The following STAG1 variants were observed in gnomAD, a reference collection of about 807,000 sequenced individuals.
STAG1 encodes STAG1 cohesin complex component, also known as cohesin subunit SA-1.
A neutral mutation model predicts 170.9 loss-of-function variants in STAG1; 26 were observed. The observed-to-expected ratio is 0.15, with a 90% CI of 0.11 to 0.21. The LOEUF (loss-of-function observed/expected upper bound fraction) is 0.21, where lower values mean the gene tolerates loss of function less well. STAG1 is among the 10% of genes least tolerant of loss of function. The pLI is 1.00. For synonymous variants in STAG1, 514 were observed against 497.7 expected (o/e 1.03, Z -0.44); for missense variants, 964 against 1,509.5 (o/e 0.64, Z 5.99).
At chr3:136,359,361 T>C (rs1246395686) in intron 26 of STAG1, 65 bp from the exon 27 acceptor site, 3 of 1,215,866 alleles carry the variant, frequency 2.5e-6, no homozygotes, top group Non-Finnish European at 3.4e-6. Context: ...ATTTTCAGAA[T>C]AGGTAATTAA....
intron 16 of STAG1, among the ~76,000 whole-genome samples, chr3:136,426,878 C>T (rs2088141458): frequency 1.3e-5 from 2 of 152,108 alleles, no homozygotes; most frequent in African/African-American, 4.8e-5. Context: ...ACCATCCTGG[C>T]TAACACGGTG....
chr3:136,453,973 T>C (rs1417123398), intron 13 of STAG1, among the ~76,000 whole-genome samples: 4 of 152,068 alleles, frequency 2.6e-5, no homozygotes, highest in African/African-American at 9.7e-5. Context: ...AGAGAACTTA[T>C]CTTGAAGCTA....
chr3:136,437,756 C>A (rs1308107803), intron 15 of STAG1, among the ~76,000 whole-genome samples: 1 of 152,102 alleles, frequency 6.6e-6, no homozygotes, highest in Non-Finnish European at 1.5e-5. Context: ...TATCTCTTAT[C>A]CTTTTTATAG....
At chr3:136,488,278 G>C (rs1263657335) in intron 9 of STAG1, among the ~76,000 whole-genome samples, 1 of 152,122 alleles carries the variant, frequency 6.6e-6, no homozygotes, top group Non-Finnish European at 1.5e-5. Context: ...ACGTGCCACT[G>C]CATCCGGCTA....
intron 3 of STAG1, among the ~76,000 whole-genome samples, chr3:136,616,208 G>A (rs931567048): frequency 1.3e-5 from 2 of 151,574 alleles, no homozygotes; most frequent in African/African-American, 4.9e-5. Flanking sequence ...GGCGGAACTT[G>A]CAGTGAGCCG....
chr3:136,723,861 G>T (rs1341168482), intron 1 of STAG1, among the ~76,000 whole-genome samples: 1 of 147,944 alleles, frequency 6.8e-6, no homozygotes, highest in Non-Finnish European at 1.5e-5. Context: ...CCGGCCAGCC[G>T]CCCCGTCCGG....
intron 9 of STAG1, among the ~76,000 whole-genome samples, chr3:136,491,993 A>C (rs558670315): frequency 4.9e-4 from 75 of 152,314 alleles, no homozygotes; most frequent in Non-Finnish European, 3.2e-4. Context: ...ATTGTCTCAA[A>C]AACAAAACAA....
At chr3:136,676,201 G>T (rs1358213552) in intron 1 of STAG1, among the ~76,000 whole-genome samples, 2 of 152,178 alleles carry the variant, frequency 1.3e-5, no homozygotes, top group East Asian at 3.9e-4. Context: ...AGTTGCTCTA[G>T]GTGAGTGAGT....
chr3:136,378,253 G>A (rs920317072), intron 22 of STAG1, among the ~76,000 whole-genome samples: 2 of 152,098 alleles, frequency 1.3e-5, no homozygotes, highest in Non-Finnish European at 2.9e-5. Context: ...CGGAGATGAA[G>A]TGTTCAGTTA....
intron 14 of STAG1, among the ~76,000 whole-genome samples, chr3:136,445,773 T>A (rs1370673336): frequency 6.6e-6 from 1 of 152,242 alleles, no homozygotes; most frequent in Non-Finnish European, 1.5e-5. Context: ...TTTTGGTCTT[T>A]AATTCTGGTT....
At chr3:136,616,156 C>A (rs961689878) in intron 3 of STAG1, among the ~76,000 whole-genome samples, 2 of 151,838 alleles carry the variant, frequency 1.3e-5, no homozygotes, top group African/African-American at 4.8e-5. Context: ...GTCGTCCCAG[C>A]TACTCGGGAG....
intron 1 of STAG1, among the ~76,000 whole-genome samples, chr3:136,731,962 T>G (rs1934067444): frequency 6.6e-6 from 1 of 152,098 alleles, no homozygotes; most frequent in Non-Finnish European, 1.5e-5. Context: ...CTAATGACTT[T>G]CAAATCAAAA....
At chr3:136,565,043 AG>A (rs1937012323) in intron 5 of STAG1, among the ~76,000 whole-genome samples, 1 of 6,884 alleles carries the variant, frequency 1.5e-4, no homozygotes, top group Non-Finnish European at 2.5e-4. Flanking sequence ...GGCAGGCAGA[AG>A]GGAGGGAGGG....
chr3:136,427,061 A>T (rs1477556394), intron 16 of STAG1, among the ~76,000 whole-genome samples: 2 of 117,100 alleles, frequency 1.7e-5, no homozygotes, highest in African/African-American at 5.8e-5. Context: ...CTCGTCTCTT[A>T]AAAAAAAAAA....
Position 136,370,858 on chromosome 3 carries a change from T to A in STAG1, c.2371-1576A>T, listed in dbSNP as rs1004696298. ...GTCTTTATAGCAGCATGATTTATAA[T>A]CCTTTGGGTATATACCCAGTAATGG... On this transcript the variant is annotated intron_variant, in intron 23 of 33. Transcript: ENST00000383202. 3.9e-5 allele frequency among the ~76,000 whole-genome samples: 6 copies of A among 152,372 alleles called. No homozygotes were observed. The East Asian group carries it at 9.6e-4, about 24-fold the overall frequency.
intron 1 of STAG1, chr3:136,736,756 T>C: frequency 6.2e-7 from 1 of 1,600,850 alleles, no homozygotes; most frequent in South Asian, 1.1e-5. Context: ...AGAGTTTCAT[T>C]GTCTGTTTAT....
chr3:136,498,534 C>T, intron 9 of STAG1, among the ~76,000 whole-genome samples: 1 of 151,502 alleles, frequency 6.6e-6, no homozygotes, highest in East Asian at 2.0e-4. Flanking sequence ...TACAAAGTGC[C>T]ATGAGAAAAC....
intron 1 of STAG1, among the ~76,000 whole-genome samples, chr3:136,655,441 T>C (rs1941341026): frequency 6.6e-6 from 1 of 152,192 alleles, no homozygotes; most frequent in African/African-American, 2.4e-5. Context: ...ATAACACTCA[T>C]CATCCATTAG....
rs1395520817 is a variant in STAG1 at position 136,417,930 on chromosome 3, G to A, written c.2151C>T (p.Tyr717=). ...GTTCAATTCCAGTCTTCAATAATCTGTAGCAATTACCAAAGAGATCCCATT... is the reference window on the plus strand; with the variant it reads ...GTTCAATTCCAGTCTTCAATAATCTATAGCAATTACCAAAGAGATCCCATT... ...LTKWDLFGNC[Y]RLLKTGIEHG... is the part of the protein sequence containing the mutation. The change falls in exon 21 of 34, where the codon TAC becomes TAT. Residue 717 remains tyrosine (Y), a synonymous_variant. Coordinates refer to ENST00000383202, the MANE Select transcript of STAG1 (RefSeq NM_005862.3). 6.2e-7 allele frequency: 1 copy of A among 1,613,970 alleles called. No individual in the cohort carries two copies. The highest frequency in any genetic ancestry group is 8.5e-7 in the Non-Finnish European group (1 of 1,179,926).
Sources: gnomAD v4.1 joint callset for allele counts (sites outside exome capture counted in the v4.1 genomes callset) on GRCh38, gnomAD v4.1.1 for gene constraint, MANE v1.5 for transcripts, NCBI Gene and HGNC (gene_info 2026-07-23, HGNC 2026-07-21) for gene names.